Variants in SLC6A13 observed in about 807,000 individuals in gnomAD.
SLC6A13 encodes the protein solute carrier family 6 member 13.
SLC6A13 carries 69 observed loss-of-function variants against 72.9 expected under a neutral mutation model. The ratio of observed to expected loss-of-function variants is 0.95; its 90% CI spans 0.78 to 1.16. The LOEUF is 1.16. Among genes scored for constraint, SLC6A13 ranks in the 50% most tolerant of loss-of-function variants. The probability of loss-of-function intolerance (pLI) is 0.00; values close to 1 mark genes in which losing one functional copy is unlikely to be tolerated. For synonymous variants in SLC6A13, 303 were observed against 303.0 expected, an observed-to-expected ratio of 1.00 and a Z score of 0.00; for missense variants, 735 against 760.5, an observed-to-expected ratio of 0.97 and a Z score of 0.39.
intron 4 of SLC6A13, among the ~76,000 whole-genome samples, chr12:241,113 G>A (rs2137294159): frequency 6.6e-6 from 1 of 152,180 alleles, no homozygotes; most frequent in South Asian, 2.1e-4. Flanking sequence ...AGACCAGCCT[G>A]GCCAAAATGG....
intron 2 of SLC6A13, among the ~76,000 whole-genome samples, chr12:248,718 T>C (rs1280746926): frequency 6.6e-6 from 1 of 152,212 alleles, no homozygotes; most frequent in Non-Finnish European, 1.5e-5. Flanking sequence ...CAATAATTTA[T>C]AGAATAAGTA....
chr12:237,282 A>AC lies in SLC6A13; in HGVS notation c.571dup (p.Val191GlyfsTer6). 1 of 1,613,896 alleles carries AC rather than the reference A, an allele frequency of 6.2e-7. No individual in the cohort carries two copies. The highest frequency in any genetic ancestry group is 8.5e-7 in the Non-Finnish European group (1 of 1,179,912). ...CTGGATCCCATCAGAGATCTTCAAGACCCGCCGCCTGGGGAGAGAAGGGTT... is the reference window on the plus strand; with the variant it reads ...CTGGATCCCATCAGAGATCTTCAAGACCCCGCCGCCTGGGGAGAGAAGGGTT... On this transcript the variant is annotated frameshift_variant, in exon 6 of 15. Coordinates refer to ENST00000343164, the MANE Select transcript of SLC6A13 (RefSeq NM_016615.5). LOFTEE classifies it high-confidence loss of function.
intron 7 of SLC6A13, among the ~76,000 whole-genome samples, chr12:232,210 T>A (rs511230): frequency 6.6e-6 from 1 of 152,032 alleles, no homozygotes; most frequent in African/African-American, 2.4e-5. Context: ...CTCTGTCCTT[T>A]TTCTCTGCCA....
rs754963836 is a variant in SLC6A13 at position 223,987 on chromosome 12, C to T, written c.1311+5G>A. On this transcript the variant is annotated splice_donor_5th_base_variant and intron_variant, in intron 11 of 14. Transcript: ENST00000343164. ...CCAGCCTTCCCCCGCTTCCCAGGCCCTCACCTCTGTGAGCATGATCAGCCC... is the reference window on the plus strand; with the variant it reads ...CCAGCCTTCCCCCGCTTCCCAGGCCTTCACCTCTGTGAGCATGATCAGCCC... The T allele has an allele frequency of 1.2e-6, 2 of 1,613,992 alleles. No individual in the cohort carries two copies. Among genetic ancestry groups the T allele is most frequent in the South Asian group, 2.2e-5 (2 of 91,068 alleles).
chr12:250,830 CCCCAAAAAA>C lies in SLC6A13; in HGVS notation c.203-7026_203-7018del, dbSNP rs1294782270. Among the ~76,000 whole-genome samples, 10 of 4,612 alleles carry C rather than the reference CCCCAAAAAA, an allele frequency of 2.2e-3. 1 individual carries two copies. Among genetic ancestry groups the C allele is most frequent in the African/African-American group, 4.1e-3 (7 of 1,720 alleles). 3.0% of individuals were successfully genotyped at this position (4,612 alleles called of 152,430 possible). A position where few individuals can be genotyped will look rare whatever the true frequency, so the allele number is the denominator to read the frequency against. On this transcript the variant is annotated intron_variant, in intron 2 of 14. Transcript: ENST00000343164. ...GAAATGATAAGGACCCAAAATAGCC[CCCCAAAAAA>C]AAAAAAAAAAAAACCTAAAAACAGG...
At chr12:237,781 C>A in intron 5 of SLC6A13, 145 bp downstream of exon 5, 1 of 658,574 alleles carries the variant, frequency 1.5e-6, no homozygotes, top group South Asian at 1.9e-5. Flanking sequence ...CCTGCAATAA[C>A]CACAAACATA....
chr12:247,502 T>C (rs892756934), intron 2 of SLC6A13, among the ~76,000 whole-genome samples: 1 of 152,202 alleles, frequency 6.6e-6, no homozygotes, highest in African/African-American at 2.4e-5. Context: ...GCAATAATAC[T>C]GTTCAAAAAG....
chr12:241,437 G>A (rs559958985), intron 4 of SLC6A13, among the ~76,000 whole-genome samples: 2 of 152,188 alleles, frequency 1.3e-5, no homozygotes, highest in African/African-American at 4.8e-5. Flanking sequence ...AATCCAAGCA[G>A]AACAGCGTCC....
chr12:224,349 G>T (rs1941350077), intron 10 of SLC6A13, 52 bp downstream of exon 10: 2 of 1,508,820 alleles, frequency 1.3e-6, no homozygotes, highest in Non-Finnish European at 1.8e-6. Flanking sequence ...CTCCTCCCCA[G>T]CACACACCCC....
chr12:235,049 C>G (rs758590027), intron 7 of SLC6A13, 41 bp downstream of exon 7: 1 of 1,612,908 alleles, frequency 6.2e-7, no homozygotes, highest in African/African-American at 1.3e-5. Context: ...AGCTCAGTTG[C>G]CCTGGGAGTC....
intron 2 of SLC6A13, among the ~76,000 whole-genome samples, chr12:247,286 C>T (rs940346508): frequency 6.6e-6 from 1 of 151,180 alleles, no homozygotes; most frequent in African/African-American, 2.4e-5. Context: ...ATCATAATCA[C>T]ATTACTTAAA....
chr12:231,076 G>A lies in SLC6A13; in HGVS notation c.832-3408C>T, dbSNP rs116303611. Among the ~76,000 whole-genome samples the A allele has an allele frequency of 1.6e-3, 240 of 152,022 alleles. 1 individual carries two copies. Among genetic ancestry groups the A allele is most frequent in the Middle Eastern group, 0.01 (3 of 292 alleles). ...TTTGGATGTCCTCCTCCCATCCCCCGCCCTCAGCAACCTCCTAAAGTGCAG... is the reference window on the plus strand; with the variant it reads ...TTTGGATGTCCTCCTCCCATCCCCCACCCTCAGCAACCTCCTAAAGTGCAG... On this transcript the variant is annotated intron_variant, in intron 7 of 14. Coordinates refer to ENST00000343164, the MANE Select transcript of SLC6A13 (RefSeq NM_016615.5).
chr12:227,310 A>T (rs1941500474), intron 8 of SLC6A13, among the ~76,000 whole-genome samples: 1 of 152,152 alleles, frequency 6.6e-6, no homozygotes, highest in South Asian at 2.1e-4. Flanking sequence ...CCTCTACATC[A>T]GCCAGGAGGC....
intron 9 of SLC6A13, 99 bp from the exon 10 acceptor site, chr12:224,612 G>A (rs1941363863): frequency 1.1e-6 from 1 of 931,590 alleles, no homozygotes; most frequent in Non-Finnish European, 1.7e-6. Flanking sequence ...AATAACAGGG[G>A]CTAGAGGAAA....
rs1056636542 is a variant in SLC6A13, at chr12:242,525, C to T, written c.478+89G>A. ...CGACTTGGGTGATTTCTGGTGTGTCCGTGTTAAGCGGGGATATAGTGACAA... is the reference window on the plus strand; with the variant it reads ...CGACTTGGGTGATTTCTGGTGTGTCTGTGTTAAGCGGGGATATAGTGACAA... On this transcript the variant is annotated intron_variant, in intron 4 of 14. Transcript: ENST00000343164. The T allele has an allele frequency of 9.6e-6, 11 of 1,145,770 alleles. No homozygotes were observed. In the East Asian group the frequency reaches 1.2e-4, roughly 13 times the overall value. 71.0% of individuals were successfully genotyped at this position (1,145,770 alleles called of 1,614,324 possible).
Position 223,293 on chromosome 12 carries a change from C to G in SLC6A13, c.1312-59G>C, listed in dbSNP as rs1050086662. On this transcript the variant is annotated intron_variant, in intron 11 of 14. Transcript: ENST00000343164. ...TATCCAGTGGAAACAGAAAGATTCA[C>G]TCCTATGCCCTTTAGCTTCACACGG... The G allele has an allele frequency of 2.8e-6, 3 of 1,088,684 alleles. No homozygotes were observed. The East Asian group carries it at 7.3e-5, about 27-fold the overall frequency. 67.4% of individuals were successfully genotyped at this position (1,088,684 alleles called of 1,614,324 possible).
chr12:258,949 G>A, intron 2 of SLC6A13: 2 of 985,600 alleles, frequency 2.0e-6, no homozygotes, highest in Non-Finnish European at 1.2e-6. Flanking sequence ...AAAGACACAA[G>A]ACCAAGGCTG....
At chr12:250,456 A>G (rs953552035) in intron 2 of SLC6A13, among the ~76,000 whole-genome samples, 62 of 152,334 alleles carry the variant, frequency 4.1e-4, no homozygotes, top group African/African-American at 1.3e-3. Context: ...TGCAGGATAC[A>G]GGATGGGCAT....
Position 227,551 on chromosome 12 carries a change from A to G in SLC6A13, c.935+14T>C, listed in dbSNP as rs764562596. On this transcript the variant is annotated intron_variant, in intron 8 of 14. Transcript: ENST00000343164. ...GATGCAGGTGTGTGGCTCAGGCCCC[A>G]CGCCCCCAATCACCTGTAGCAGTTG... 1.2e-6 allele frequency: 2 copies of G among 1,613,482 alleles called. No individual in the cohort carries two copies. Among genetic ancestry groups the G allele is most frequent in the African/African-American group, 2.7e-5 (2 of 74,912 alleles).
Sources: allele counts gnomAD v4.1 joint callset (sites outside exome capture counted in the v4.1 genomes callset), GRCh38; gene constraint gnomAD v4.1.1; transcripts MANE v1.5; gene names NCBI Gene and HGNC (gene_info 2026-07-23, HGNC 2026-07-21).